RTTN: variants seen among roughly 807,000 people sequenced by gnomAD.
The protein encoded by RTTN is rotatin.
In RTTN, 182 loss-of-function variants were observed where a neutral mutation model predicts 269.2. That is an observed-to-expected ratio of 0.68 (90% CI 0.60 to 0.76). The LOEUF (loss-of-function observed/expected upper bound fraction) is 0.76. Ranked by LOEUF, RTTN falls within the 30% of genes least tolerant of loss-of-function variation. The pLI is 0.00. For missense variants in RTTN, 2,545 were observed against 2,608.6 expected (o/e 0.98, Z 0.53); for synonymous variants, 1,006 against 963.5 (o/e 1.04, Z -0.82).
At chr18:70,157,461 C>T (rs2060712520) in intron 14 of RTTN, among the ~76,000 whole-genome samples, 1 of 152,132 alleles carries the variant, frequency 6.6e-6, no homozygotes, top group African/African-American at 2.4e-5. Context: ...AAGCAAAAGG[C>T]CCCATCCAAA....
chr18:70,149,121 A>T, intron 16 of RTTN, 84 bp from the exon 17 acceptor site: 1 of 1,155,260 alleles, frequency 8.7e-7, no homozygotes, highest in Non-Finnish European at 1.2e-6. Context: ...GTATTGTCCT[A>T]TCAGCAACTC....
intron 34 of RTTN, among the ~76,000 whole-genome samples, chr18:70,072,446 A>G (rs969922859): frequency 6.6e-6 from 1 of 152,140 alleles, no homozygotes; most frequent in Non-Finnish European, 1.5e-5. Context: ...AATGACTACA[A>G]TTAATAACAT....
Position 70,071,822 on chromosome 18 carries a change from A to G in RTTN, c.4653+2084T>C, listed in dbSNP as rs948164206. Among the ~76,000 whole-genome samples, 4 of 152,312 alleles carry G rather than the reference A, an allele frequency of 2.6e-5. No individual in the cohort carries two copies. The East Asian group carries it at 7.7e-4, about 29-fold the overall frequency. ...AGAGCATGCTGGATGACATGACCCAAATCAAAAGATGATGCTTTCCTTGGA... is the reference window on the plus strand; with the variant it reads ...AGAGCATGCTGGATGACATGACCCAGATCAAAAGATGATGCTTTCCTTGGA... On this transcript the variant is annotated intron_variant, in intron 34 of 48. Transcript: ENST00000640769.
intron 44 of RTTN, chr18:70,021,249 A>G (rs1568251357): frequency 6.5e-6 from 1 of 153,632 alleles, no homozygotes; most frequent in Non-Finnish European, 1.4e-5. Context: ...ATATTTGGTC[A>G]ACAAAGATAT....
chr18:70,157,249 G>A (rs934976653), intron 14 of RTTN, among the ~76,000 whole-genome samples: 33 of 152,156 alleles, frequency 2.2e-4, no homozygotes, highest in African/African-American at 8.0e-4. Context: ...GGAACATCTC[G>A]GCTCCTCCAG....
At chr18:70,107,959 G>A (rs1036431182) in intron 28 of RTTN, among the ~76,000 whole-genome samples, 10 of 152,142 alleles carry the variant, frequency 6.6e-5, no homozygotes, top group Non-Finnish European at 1.3e-4. Context: ...AAGAAACTCT[G>A]AACGATTTTA....
chr18:70,190,609 T>A lies in RTTN; in HGVS notation c.1118A>T (p.Gln373Leu). ...ELETEDTLEL[Q>L]FQQLSLPQFC... ...CTGGGGAAGACTGAGCTGCTGGAAT[T>A]GTAGTTCCAATGTGTCTTCAGTTTC... The change falls in exon 9 of 49, where the codon CAA becomes CTA. Residue 373 changes from glutamine to leucine, a missense_variant. Gln to Leu is a moderately radical substitution (Grantham distance 113). Coordinates refer to ENST00000640769, the MANE Select transcript of RTTN (RefSeq NM_173630.4). The A allele has an allele frequency of 6.2e-7, 1 of 1,613,840 alleles. No individual in the cohort carries two copies. The highest frequency in any genetic ancestry group is 8.5e-7 in the Non-Finnish European group (1 of 1,179,748).
intron 32 of RTTN, among the ~76,000 whole-genome samples, chr18:70,080,922 GTGGTATCACACACACACACAC>G (rs1568345787): frequency 1.5e-5 from 2 of 130,062 alleles, no homozygotes; most frequent in African/African-American, 5.4e-5. Context: ...ACTGGTGTGT[GTGGTATCACACACACACACAC>G]ACACACACAC....
At chr18:70,013,261 G>A (rs2056444684) in intron 46 of RTTN, among the ~76,000 whole-genome samples, 1 of 151,312 alleles carries the variant, frequency 6.6e-6, no homozygotes, top group Non-Finnish European at 1.5e-5. Flanking sequence ...AGCATCAAGT[G>A]ATGTTTTTAA....
At chr18:70,037,697 C>G (rs2144685078) in intron 40 of RTTN, among the ~76,000 whole-genome samples, 1 of 152,154 alleles carries the variant, frequency 6.6e-6, no homozygotes, top group African/African-American at 2.4e-5. Flanking sequence ...GTGGTGGCTA[C>G]AACAAAAGAC....
chr18:70,090,576 A>C (rs552562711), intron 30 of RTTN, among the ~76,000 whole-genome samples: 1 of 152,222 alleles, frequency 6.6e-6, no homozygotes, highest in Non-Finnish European at 1.5e-5. Context: ...GCTTTTGGAA[A>C]ATGAAACCTC....
At chr18:70,202,056 G>A (rs764714726) in intron 3 of RTTN, 73 bp from the exon 4 acceptor site, 4 of 834,998 alleles carry the variant, frequency 4.8e-6, no homozygotes, top group South Asian at 3.7e-5. Flanking sequence ...TTCTTTAAGT[G>A]GTAATGTTTT....
At chr18:70,079,162 G>A (rs1352709411) in intron 32 of RTTN, among the ~76,000 whole-genome samples, 1 of 151,828 alleles carries the variant, frequency 6.6e-6, no homozygotes, top group Non-Finnish European at 1.5e-5. Context: ...TGAATGGAGA[G>A]GGACAGTGAA....
At chr18:70,060,535 T>G (rs1035690807) in intron 35 of RTTN, among the ~76,000 whole-genome samples, 1 of 152,224 alleles carries the variant, frequency 6.6e-6, no homozygotes, top group Non-Finnish European at 1.5e-5. Flanking sequence ...GATACAGGCA[T>G]ACTATGTGCA....
At chr18:70,017,813 C>T in intron 45 of RTTN, 139 bp from the exon 46 acceptor site, 1 of 681,206 alleles carries the variant, frequency 1.5e-6, no homozygotes, top group Non-Finnish European at 2.4e-6. Context: ...TCTGAATATT[C>T]CATCTATATT....
chr18:70,144,223 C>G (rs1439711044), intron 18 of RTTN, among the ~76,000 whole-genome samples: 1 of 152,150 alleles, frequency 6.6e-6, no homozygotes, highest in Non-Finnish European at 1.5e-5. Flanking sequence ...ACAAAGGTAA[C>G]AGAAAACAAC....
At chr18:70,103,069 G>A (rs1053014774) in intron 28 of RTTN, among the ~76,000 whole-genome samples, 13 of 147,598 alleles carry the variant, frequency 8.8e-5, no homozygotes, top group African/African-American at 2.0e-4. Context: ...AGTGAGGAGC[G>A]CCTCTGCCCG....
At chr18:70,127,355 A>G in intron 25 of RTTN, 147 bp downstream of exon 25, 1 of 874,560 alleles carries the variant, frequency 1.1e-6, no homozygotes, top group South Asian at 3.0e-5. Flanking sequence ...CTCTTTGGCT[A>G]TTATTACAGA....
chr18:70,088,512 T>C (rs926688835), intron 30 of RTTN, among the ~76,000 whole-genome samples: 4 of 152,234 alleles, frequency 2.6e-5, no homozygotes, highest in African/African-American at 9.6e-5. Flanking sequence ...CTTTCTTAAT[T>C]TTTTATTGTT....
Sources: gnomAD v4.1 joint callset for allele counts (sites outside exome capture counted in the v4.1 genomes callset) on GRCh38, gnomAD v4.1.1 for gene constraint, MANE v1.5 for transcripts, NCBI Gene and HGNC (gene_info 2026-07-23, HGNC 2026-07-21) for gene names.